CPS1: variants seen among roughly 807,000 people sequenced by gnomAD.
CPS1 encodes the protein carbamoyl-phosphate synthase 1.
CPS1 carries 109 observed loss-of-function variants against 174.6 expected under a neutral mutation model. The ratio of observed to expected loss-of-function variants is 0.62; its 90% CI spans 0.53 to 0.73. The LOEUF (loss-of-function observed/expected upper bound fraction) is 0.73, where lower values mean the gene tolerates loss of function less well. Ranked by LOEUF, CPS1 falls within the 30% of genes least tolerant of loss-of-function variation. The pLI, the probability that CPS1 is intolerant of heterozygous loss-of-function variation, is 0.00. For synonymous variants in CPS1, 637 were observed against 632.0 expected, an observed-to-expected ratio of 1.01 and a Z score of -0.12; for missense variants, 1,689 against 1,821.9, an observed-to-expected ratio of 0.93 and a Z score of 1.33.
At chr2:210,540,247 CTT>C (rs1322863368) in intron 1 of CPS1, among the ~76,000 whole-genome samples, 1 of 152,150 alleles carries the variant, frequency 6.6e-6, no homozygotes, top group African/African-American at 2.4e-5. Flanking sequence ...TTTTCTTTCT[CTT>C]TGCCTTCCTG....
intron 13 of CPS1, among the ~76,000 whole-genome samples, chr2:210,598,549 A>AG (rs201491292): frequency 0.018 from 2,580 of 145,320 alleles, 62 homozygotes; most frequent in Middle Eastern, 0.068. Flanking sequence ...AGAAAAAAAA[A>AG]GGGGATACAA....
At chr2:210,555,207 C>T (rs148510370), upstream of CPS1, among the ~76,000 whole-genome samples, 1,234 of 152,052 alleles carry the variant, frequency 8.1e-3, 11 homozygotes, top group African/African-American at 0.028. Flanking sequence ...GGCTATTGCT[C>T]ATGCCACGGC....
At chr2:210,509,942 C>A (rs1371338581) in intron 1 of CPS1, among the ~76,000 whole-genome samples, 1 of 152,062 alleles carries the variant, frequency 6.6e-6, no homozygotes, top group Admixed American at 6.6e-5. Context: ...GTGAAAATGG[C>A]CATACTGCCC....
chr2:210,497,889 C>CATACATACATATAT (rs1695031930), intron 1 of CPS1, among the ~76,000 whole-genome samples: 1 of 63,066 alleles, frequency 1.6e-5, no homozygotes, highest in African/African-American at 5.0e-5. Context: ...ACAATATATA[C>CATACATACATATAT]ATACATATAT....
At chr2:210,491,307 G>GTTTTTTTTTTTTTTTTTTTTT (rs66825517) in intron 1 of CPS1, among the ~76,000 whole-genome samples, 1 of 50,342 alleles carries the variant, frequency 2.0e-5, no homozygotes, top group African/African-American at 1.0e-4. Flanking sequence ...TGGTATCTGT[G>GTTTTTTTTTTTTTTTTTTTTT]TTTTTTTTTT....
At chr2:210,556,093 C>T (rs189730230), upstream of CPS1, among the ~76,000 whole-genome samples, 3 of 152,010 alleles carry the variant, frequency 2.0e-5, no homozygotes, top group East Asian at 5.8e-4. Context: ...ACTCTATTAA[C>T]CCAAAACATA....
At position 210,652,747 on chromosome 2, in the gene CPS1, A is replaced by G. The variant is rs550489841; in HGVS notation, c.3481-1278A>G. On this transcript the variant is annotated intron_variant, in intron 28 of 37. Coordinates refer to ENST00000233072, the MANE Select transcript of CPS1 (RefSeq NM_001875.5). ...TATAATAGGTTTGGAATTGAGGACC[A>G]AGATCATGGCTAGAGATAGAGAAGG... Among the ~76,000 whole-genome samples, 521 of 152,344 alleles carry G rather than the reference A, an allele frequency of 3.4e-3. 5 individuals are homozygous for G. The highest frequency in any genetic ancestry group is 0.012 in the African/African-American group (495 of 41,584).
chr2:210,540,638 A>G (rs1267013561), intron 1 of CPS1, among the ~76,000 whole-genome samples: 2 of 152,200 alleles, frequency 1.3e-5, no homozygotes, highest in Non-Finnish European at 2.9e-5. Context: ...GCAAACCTCC[A>G]TAGTAGGTGT....
intron 16 of CPS1, 64 bp downstream of exon 16, chr2:210,602,394 C>T: frequency 6.4e-7 from 1 of 1,562,836 alleles, no homozygotes; most frequent in Non-Finnish European, 8.8e-7. Flanking sequence ...ACCTTTTCAA[C>T]TAGAGAAAGT....
intron 6 of CPS1, among the ~76,000 whole-genome samples, chr2:210,582,920 C>A (rs1480630904): frequency 6.6e-6 from 1 of 152,022 alleles, no homozygotes; most frequent in Non-Finnish European, 1.5e-5. Flanking sequence ...AACTTCATGC[C>A]CCAATTTAGA....
intron 21 of CPS1, among the ~76,000 whole-genome samples, chr2:210,628,794 T>C (rs1699772130): frequency 1.3e-5 from 2 of 150,954 alleles, no homozygotes; most frequent in Admixed American, 6.6e-5. Context: ...AGTGAGACTC[T>C]ATCTCAAAAA....
chr2:210,568,238 T>C (rs1697364366), intron 1 of CPS1, among the ~76,000 whole-genome samples: 1 of 152,080 alleles, frequency 6.6e-6, no homozygotes, highest in South Asian at 2.1e-4. Flanking sequence ...TACCAGGATG[T>C]AAAAGGCAAC....
Position 210,616,648 on chromosome 2 carries a change from G to A in CPS1, c.2687+107G>A, listed in dbSNP as rs563650723. ...GTCTACATTGTGATTCAATGAGGTA[G>A]ATAGTGCCATTGTTGGAAAATAGTA... is the stretch of plus-strand genomic sequence containing the variant. On this transcript the variant is annotated intron_variant, in intron 21 of 37. Coordinates refer to ENST00000233072, the MANE Select transcript of CPS1 (RefSeq NM_001875.5). 6.7e-5 allele frequency: 53 copies of A among 793,176 alleles called. No individual in the cohort carries two copies. The East Asian group carries it at 1.1e-3, about 17-fold the overall frequency. 49.1% of individuals were successfully genotyped at this position (793,176 alleles called of 1,614,324 possible). A position where few individuals can be genotyped will look rare whatever the true frequency, so the allele number is the denominator to read the frequency against.
chr2:210,593,028 A>C (rs1698363931), intron 11 of CPS1, 72 bp downstream of exon 11: 1 of 1,264,760 alleles, frequency 7.9e-7, no homozygotes, highest in Non-Finnish European at 1.2e-6. Context: ...CGAGAAACCA[A>C]AATAATCACC....
intron 1 of CPS1, among the ~76,000 whole-genome samples, chr2:210,566,349 A>G (rs915099233): frequency 2.6e-5 from 4 of 152,012 alleles, no homozygotes; most frequent in African/African-American, 9.7e-5. Context: ...GTGCTTGAGA[A>G]CTCAAGGGCC....
At chr2:210,512,997 T>TGG (rs1695561459) in intron 1 of CPS1, among the ~76,000 whole-genome samples, 1 of 26,650 alleles carries the variant, frequency 3.8e-5, no homozygotes, top group African/African-American at 7.6e-5. Context: ...GATATATATA[T>TGG]GGAGATATAT....
intron 1 of CPS1, among the ~76,000 whole-genome samples, chr2:210,492,687 G>T (rs535551767): frequency 6.6e-6 from 1 of 152,116 alleles, no homozygotes; most frequent in South Asian, 2.1e-4. Flanking sequence ...ACTAAAATGA[G>T]AAAAGAAGTT....
Position 210,674,959 on chromosome 2 carries a change from A to C in CPS1, c.4159A>C (p.Lys1387Gln). The change falls in exon 35 of 38, where the codon AAG becomes CAG. Residue 1387 changes from lysine to glutamine, a missense_variant and splice_region_variant. Physicochemically the swap from Lys to Gln is moderately conservative, Grantham distance 53 (BLOSUM62 1). Coordinates refer to ENST00000233072, the MANE Select transcript of CPS1 (RefSeq NM_001875.5). ...TGAACAATTACACAATGAAGGTTTCAAGGTATGTTCATTAGTTTTAAGTTG... is the reference window on the plus strand; with the variant it reads ...TGAACAATTACACAATGAAGGTTTCCAGGTATGTTCATTAGTTTTAAGTTG... ...VAEQLHNEGFKLFATEATSDW... is the reference protein window; with the variant it reads ...VAEQLHNEGFQLFATEATSDW... 6.2e-7 allele frequency: 1 copy of C among 1,610,066 alleles called. No homozygotes were observed. The highest frequency in any genetic ancestry group is 8.5e-7 in the Non-Finnish European group (1 of 1,176,320).
intron 32 of CPS1, 69 bp downstream of exon 32, chr2:210,660,724 A>G (rs1700891777): frequency 6.8e-7 from 1 of 1,469,094 alleles, no homozygotes; most frequent in Admixed American, 1.7e-5. Context: ...ATTTGTCATC[A>G]AAAATCTTGT....
Sources: allele counts gnomAD v4.1 joint callset (sites outside exome capture counted in the v4.1 genomes callset), GRCh38; gene constraint gnomAD v4.1.1; transcripts MANE v1.5; gene names NCBI Gene and HGNC (gene_info 2026-07-23, HGNC 2026-07-21).